The following CSMD3 variants were observed in gnomAD, a reference collection of about 807,000 sequenced individuals.
CSMD3 encodes CUB and Sushi multiple domains 3.
CSMD3 carries 177 observed loss-of-function variants against 435.2 expected under a neutral mutation model. The ratio of observed to expected loss-of-function variants is 0.41; its 90% CI spans 0.36 to 0.46. The LOEUF (loss-of-function observed/expected upper bound fraction) is 0.46. Ranked by LOEUF, CSMD3 falls within the 20% of genes least tolerant of loss-of-function variation. CSMD3 has a pLI of 0.34. For synonymous variants in CSMD3, 1,656 were observed against 1,520.5 expected (o/e 1.09, Z -2.07); for missense variants, 4,265 against 4,504.6 (o/e 0.95, Z 1.52).
chr8:113,334,077 C>T (rs1166224752), intron 1 of CSMD3, among the ~76,000 whole-genome samples: 1 of 151,794 alleles, frequency 6.6e-6, no homozygotes, highest in Non-Finnish European at 1.5e-5. Context: ...TGCTACTATA[C>T]AAAAATTACG....
rs552712271 is a variant in CSMD3 at position 112,868,008 on chromosome 8, T to C, written c.1634-8742A>G. 3.9e-5 allele frequency among the ~76,000 whole-genome samples: 6 copies of C among 152,314 alleles called. No individual in the cohort carries two copies. In the East Asian group the frequency reaches 1.2e-3, roughly 29 times the overall value. On this transcript the variant is annotated intron_variant, in intron 10 of 70. Coordinates refer to ENST00000297405, the MANE Select transcript of CSMD3 (RefSeq NM_198123.2). ...AAAATGCAAACACATTGCACAGCCATACATCATTATTTTATTTCTTCATAT... is the reference window on the plus strand; with the variant it reads ...AAAATGCAAACACATTGCACAGCCACACATCATTATTTTATTTCTTCATAT...
intron 11 of CSMD3, among the ~76,000 whole-genome samples, chr8:112,839,304 C>A (rs1159452647): frequency 2.6e-5 from 4 of 151,662 alleles, no homozygotes; most frequent in African/African-American, 9.7e-5. Flanking sequence ...CTTTAGGGGA[C>A]TGTTGGCATG....
At chr8:112,676,683 T>C (rs1188160661) in intron 16 of CSMD3, among the ~76,000 whole-genome samples, 2 of 152,142 alleles carry the variant, frequency 1.3e-5, no homozygotes, top group African/African-American at 4.8e-5. Flanking sequence ...CAATGAATAA[T>C]AAATCTTTAT....
At chr8:112,936,733 T>C (rs2083292221) in intron 9 of CSMD3, among the ~76,000 whole-genome samples, 1 of 152,112 alleles carries the variant, frequency 6.6e-6, no homozygotes, top group South Asian at 2.1e-4. Context: ...ACTCAGTTTA[T>C]CTAGAAATAC....
chr8:112,352,105 G>A (rs1586850345), intron 39 of CSMD3, among the ~76,000 whole-genome samples: 1 of 152,012 alleles, frequency 6.6e-6, no homozygotes, highest in African/African-American at 2.4e-5. Flanking sequence ...TATGTGAATA[G>A]AGACAAAAGT....
In CSMD3 at chr8:112,405,211, CCCCAT is replaced by C. The variant is rs1563904134; in HGVS notation, c.5809+1308_5809+1312del. The stretch of plus-strand genomic sequence containing the variant: ...AAAAAAAAAAAAAAAAAAAAAAAAC[CCCCAT>C]ATATATATATATATATATATATATA... On this transcript the variant is annotated intron_variant, in intron 35 of 70. Coordinates refer to ENST00000297405, the MANE Select transcript of CSMD3 (RefSeq NM_198123.2). Among the ~76,000 whole-genome samples, 18 of 18,108 alleles carry C rather than the reference CCCCAT, an allele frequency of 9.9e-4. 1 individual carries two copies. The highest frequency in any genetic ancestry group is 2.3e-3 in the African/African-American group (7 of 3,040). 11.9% of individuals were successfully genotyped at this position (18,108 alleles called of 152,430 possible). A position where few individuals can be genotyped will look rare whatever the true frequency, so the allele number is the denominator to read the frequency against.
At chr8:113,226,795 C>G (rs1047961296) in intron 3 of CSMD3, among the ~76,000 whole-genome samples, 6 of 151,560 alleles carry the variant, frequency 4.0e-5, no homozygotes, top group African/African-American at 1.5e-4. Context: ...AGTAATTTAC[C>G]TTTCTGCAAC....
intron 4 of CSMD3, among the ~76,000 whole-genome samples, chr8:113,171,169 T>C (rs1043094066): frequency 3.9e-5 from 6 of 152,102 alleles, no homozygotes; most frequent in Non-Finnish European, 8.8e-5. Flanking sequence ...AGAGCTAACA[T>C]AAGTAATAAA....
chr8:112,465,767 G>C (rs1476934355), intron 32 of CSMD3, among the ~76,000 whole-genome samples: 1 of 152,080 alleles, frequency 6.6e-6, no homozygotes, highest in African/African-American at 2.4e-5. Flanking sequence ...CTGAGGTCAG[G>C]AGTTTGAGAT....
intron 2 of CSMD3, among the ~76,000 whole-genome samples, chr8:113,308,870 A>G (rs1166328694): frequency 6.6e-6 from 1 of 152,204 alleles, no homozygotes; most frequent in East Asian, 1.9e-4. Context: ...TAAGAAATTA[A>G]GAGATAGTCT....
At chr8:113,315,574 A>AAT (rs534298957) in intron 1 of CSMD3, among the ~76,000 whole-genome samples, 13 of 148,628 alleles carry the variant, frequency 8.7e-5, no homozygotes, top group African/African-American at 1.7e-4. Context: ...TGTCTCTTCA[A>AAT]ATATATATAT....
chr8:112,973,731 T>C (rs1504342), intron 7 of CSMD3, among the ~76,000 whole-genome samples: 89,294 of 151,482 alleles, frequency 0.59, 27,608 homozygotes, highest in East Asian at 0.95. Context: ...ACTCTTAACA[T>C]TGATGAATAT....
intron 16 of CSMD3, among the ~76,000 whole-genome samples, chr8:112,674,884 C>A (rs2075738354): frequency 1.3e-5 from 2 of 151,988 alleles, no homozygotes; most frequent in East Asian, 3.9e-4. Flanking sequence ...AAAAACCAAA[C>A]AACTTATAAT....
At chr8:113,304,843 A>G (rs2093805083) in intron 2 of CSMD3, among the ~76,000 whole-genome samples, 1 of 143,522 alleles carries the variant, frequency 7.0e-6, no homozygotes, top group African/African-American at 2.6e-5. Flanking sequence ...GCAGCGCACC[A>G]GCATGGCACA....
intron 50 of CSMD3, among the ~76,000 whole-genome samples, chr8:112,310,024 G>C (rs1821819104): frequency 1.3e-5 from 2 of 152,006 alleles, no homozygotes; most frequent in African/African-American, 2.4e-5. Context: ...TTTACATGCT[G>C]AGTAGAGTTA....
intron 41 of CSMD3, among the ~76,000 whole-genome samples, chr8:112,343,015 A>ATT (rs1491552053): frequency 2.2e-5 from 2 of 92,916 alleles, no homozygotes; most frequent in African/African-American, 6.2e-5. Context: ...ATATATATAT[A>ATT]TTTATATATA....
intron 13 of CSMD3, among the ~76,000 whole-genome samples, chr8:112,727,744 C>G (rs910808100): frequency 1.3e-5 from 2 of 151,604 alleles, no homozygotes; most frequent in Non-Finnish European, 3.0e-5. Context: ...TTTTATGTTA[C>G]TTTTTACAAT....
At chr8:113,363,567 A>G (rs1040450973) in intron 1 of CSMD3, among the ~76,000 whole-genome samples, 2 of 152,066 alleles carry the variant, frequency 1.3e-5, no homozygotes, top group Non-Finnish European at 2.9e-5. Context: ...TAACTCTTCT[A>G]GTTTCTGGTG....
intron 11 of CSMD3, among the ~76,000 whole-genome samples, 163 bp downstream of exon 11, chr8:112,858,982 A>C (rs576562327): frequency 5.1e-4 from 78 of 151,948 alleles, no homozygotes; most frequent in Non-Finnish European, 7.4e-5. Flanking sequence ...TTTTTTCCCA[A>C]ATTTCTCATA....
Sources: allele counts gnomAD v4.1 joint callset (sites outside exome capture counted in the v4.1 genomes callset), GRCh38; gene constraint gnomAD v4.1.1; transcripts MANE v1.5; gene names NCBI Gene and HGNC (gene_info 2026-07-23, HGNC 2026-07-21).